Variants in SORCS1 observed in about 807,000 individuals in gnomAD.
SORCS1 encodes sortilin related VPS10 domain containing receptor 1.
Under a neutral mutation model 146.1 loss-of-function variants are expected in SORCS1, and 60 were observed. That is an observed-to-expected ratio of 0.41 (90% CI 0.33 to 0.51). The LOEUF is 0.51. Ranked by LOEUF, SORCS1 falls within the 20% of genes least tolerant of loss-of-function variation. The pLI is 0.21. For synonymous variants in SORCS1, 637 were observed against 584.0 expected (o/e 1.09, Z -1.31); for missense variants, 1,352 against 1,487.6 (o/e 0.91, Z 1.50).
Position 106,977,751 on chromosome 10 carries a change from T to C in SORCS1, c.559-21171A>G, listed in dbSNP as rs149468699. ...TATGCATCTTTTAAATATGAGCCAATATGGGACAAATGAGATTATTTGTGC... is the reference window on the plus strand; with the variant it reads ...TATGCATCTTTTAAATATGAGCCAACATGGGACAAATGAGATTATTTGTGC... On this transcript the variant is annotated intron_variant, in intron 1 of 25. Coordinates refer to ENST00000263054, the MANE Select transcript of SORCS1 (RefSeq NM_052918.5). Among the ~76,000 whole-genome samples, 503 of 152,300 alleles carry C rather than the reference T, an allele frequency of 3.3e-3. 2 individuals are homozygous for C. The highest frequency in any genetic ancestry group is 5.1e-3 in the Non-Finnish European group (344 of 68,026).
At chr10:107,120,354 G>A (rs761575160) in intron 1 of SORCS1, among the ~76,000 whole-genome samples, 4 of 152,124 alleles carry the variant, frequency 2.6e-5, no homozygotes, top group Admixed American at 2.0e-4. Context: ...ATAAATACAT[G>A]AATAAAGAAA....
intron 2 of SORCS1, among the ~76,000 whole-genome samples, chr10:106,884,891 G>A (rs1203148553): frequency 2.6e-5 from 4 of 152,120 alleles, no homozygotes; most frequent in Non-Finnish European, 4.4e-5. Flanking sequence ...CAATTCAATG[G>A]TATAAGTATG....
At chr10:106,842,788 T>C (rs991729880) in intron 2 of SORCS1, among the ~76,000 whole-genome samples, 3 of 151,450 alleles carry the variant, frequency 2.0e-5, no homozygotes, top group African/African-American at 7.3e-5. Context: ...TAATTTTGTA[T>C]TTTTAGTAGA....
intron 2 of SORCS1, among the ~76,000 whole-genome samples, chr10:106,948,197 G>C (rs1049164188): frequency 6.7e-6 from 1 of 150,124 alleles, no homozygotes; most frequent in Non-Finnish European, 1.5e-5. Flanking sequence ...GAGTCACAAA[G>C]ATATGAAGAG....
chr10:107,000,183 C>G (rs1238480917), intron 1 of SORCS1, among the ~76,000 whole-genome samples: 2 of 152,212 alleles, frequency 1.3e-5, no homozygotes, highest in African/African-American at 2.4e-5. Flanking sequence ...CTGTAAAAAA[C>G]AGAGAGAAGT....
In SORCS1 at chr10:107,038,995, G is replaced by A. The variant is rs148156244; in HGVS notation, c.559-82415C>T. Among the ~76,000 whole-genome samples, 205 of 152,188 alleles carry A rather than the reference G, an allele frequency of 1.3e-3. 1 individual carries two copies. Among genetic ancestry groups the A allele is most frequent in the African/African-American group, 4.7e-3 (197 of 41,522 alleles). On this transcript the variant is annotated intron_variant, in intron 1 of 25. Transcript: ENST00000263054. The stretch of plus-strand genomic sequence containing the variant: ...TAAGCACAATTAAGCTAAGTAATAT[G>A]AAAGTAATCTAAACAGTGTAAAATT...
chr10:106,706,841 G>A lies in SORCS1; in HGVS notation c.1144-207C>T, dbSNP rs548396835. 1.5e-4 allele frequency among the ~76,000 whole-genome samples: 23 copies of A among 152,272 alleles called. No homozygotes were observed. The South Asian group carries it at 1.9e-3, about 12-fold the overall frequency. On this transcript the variant is annotated intron_variant, in intron 7 of 25. Coordinates refer to ENST00000263054, the MANE Select transcript of SORCS1 (RefSeq NM_052918.5). ...GTCAGCGGCCCAAACTGAACCTACT[G>A]GACAAAAATACAATTCTTAAGTTTG...
At chr10:106,937,972 G>GAAAA (rs76116094) in intron 2 of SORCS1, among the ~76,000 whole-genome samples, 7 of 129,154 alleles carry the variant, frequency 5.4e-5, no homozygotes, top group Admixed American at 1.6e-4. Flanking sequence ...TCAAAAAGAA[G>GAAAA]AAAAAAAAAA....
At chr10:107,113,415 G>A (rs145226269) in intron 1 of SORCS1, among the ~76,000 whole-genome samples, 16 of 152,206 alleles carry the variant, frequency 1.1e-4, no homozygotes, top group African/African-American at 1.4e-4. Flanking sequence ...AAGGCCAGGC[G>A]CGGTGCCTTG....
At chr10:106,893,150 G>A (rs147047893) in intron 2 of SORCS1, among the ~76,000 whole-genome samples, 5 of 151,890 alleles carry the variant, frequency 3.3e-5, no homozygotes, top group Admixed American at 6.6e-5. Flanking sequence ...TGATCCACCC[G>A]CCTCAGCCTC....
At chr10:106,925,237 T>C (rs2138477201) in intron 2 of SORCS1, among the ~76,000 whole-genome samples, 1 of 152,160 alleles carries the variant, frequency 6.6e-6, no homozygotes, top group African/African-American at 2.4e-5. Flanking sequence ...CCCTATCCTA[T>C]CTGCCTCTGC....
intron 2 of SORCS1, among the ~76,000 whole-genome samples, chr10:106,868,690 G>A (rs961365232): frequency 6.6e-6 from 1 of 151,996 alleles, no homozygotes; most frequent in Non-Finnish European, 1.5e-5. Flanking sequence ...ATACAGCTAG[G>A]GTAGTGTTAA....
At chr10:106,823,869 A>C (rs1948169613) in intron 3 of SORCS1, among the ~76,000 whole-genome samples, 2 of 152,194 alleles carry the variant, frequency 1.3e-5, no homozygotes, top group Non-Finnish European at 2.9e-5. Context: ...ACTCTCTGGG[A>C]CTCAGTCTCC....
intron 2 of SORCS1, among the ~76,000 whole-genome samples, chr10:106,860,295 C>T (rs556592102): frequency 3.9e-4 from 59 of 152,300 alleles, no homozygotes; most frequent in South Asian, 1.4e-3. Flanking sequence ...AGCTTTGTGA[C>T]ATGTTCTATC....
chr10:106,754,417 C>T (rs955754193), intron 5 of SORCS1, among the ~76,000 whole-genome samples: 1 of 152,156 alleles, frequency 6.6e-6, no homozygotes, highest in African/African-American at 2.4e-5. Flanking sequence ...TTCTGACTTT[C>T]CAGACCCATA....
rs553032484 is a variant in SORCS1, at chr10:107,034,680, C to CAAAAAAAAAAAAAAAAAA, written c.559-78118_559-78101dup. Among the ~76,000 whole-genome samples, 23 of 13,796 alleles carry CAAAAAAAAAAAAAAAAAA rather than the reference C, an allele frequency of 1.7e-3. 2 individuals carry two copies. The highest frequency in any genetic ancestry group is 2.4e-3 in the Non-Finnish European group (20 of 8,164). The allele number at this position is 13,796 out of a possible 152,430, so 9.1% of individuals were successfully genotyped here. On this transcript the variant is annotated intron_variant, in intron 1 of 25. Coordinates refer to ENST00000263054, the MANE Select transcript of SORCS1 (RefSeq NM_052918.5). The stretch of plus-strand genomic sequence containing the variant: ...GGGAAACATGAGCGAAACTCCATCT[C>CAAAAAAAAAAAAAAAAAA]AAAAAAAAAAAAAAAAAAAAAAAAA...
At chr10:106,855,648 C>G (rs1564739704) in intron 2 of SORCS1, among the ~76,000 whole-genome samples, 1 of 152,084 alleles carries the variant, frequency 6.6e-6, no homozygotes, top group Non-Finnish European at 1.5e-5. Context: ...TCAGCCATGT[C>G]CAGTCTACCA....
intron 3 of SORCS1, among the ~76,000 whole-genome samples, chr10:106,788,517 T>C (rs1033060685): frequency 1.3e-5 from 2 of 152,142 alleles, no homozygotes; most frequent in Non-Finnish European, 2.9e-5. Context: ...TCACACCAAA[T>C]GGGAGAAATT....
intron 2 of SORCS1, among the ~76,000 whole-genome samples, chr10:106,849,963 G>T (rs1473588147): frequency 6.6e-6 from 1 of 152,154 alleles, no homozygotes; most frequent in Non-Finnish European, 1.5e-5. Context: ...CCAGCTGCGT[G>T]CTGGAAGAAC....
Sources: allele counts gnomAD v4.1 joint callset (sites outside exome capture counted in the v4.1 genomes callset), GRCh38; gene constraint gnomAD v4.1.1; transcripts MANE v1.5; gene names NCBI Gene and HGNC (gene_info 2026-07-23, HGNC 2026-07-21).